Variants in UBAC2 observed in about 807,000 individuals in gnomAD.
The protein encoded by UBAC2 is UBA domain containing 2, also known as ubiquitin-associated domain-containing protein 2.
UBAC2 carries 26 observed loss-of-function variants against 44.0 expected under a neutral mutation model. The observed-to-expected ratio is 0.59, with a 90% CI of 0.43 to 0.82. The LOEUF is 0.82. UBAC2 is among the 40% of genes least tolerant of loss of function. The pLI is 0.00. For synonymous variants in UBAC2, 155 were observed against 154.3 expected (o/e 1.00, Z -0.04); for missense variants, 329 against 419.4 (o/e 0.78, Z 1.88).
chr13:99,352,764 A>G (rs1275488691), intron 7 of UBAC2, among the ~76,000 whole-genome samples: 1 of 152,048 alleles, frequency 6.6e-6, no homozygotes, highest in Non-Finnish European at 1.5e-5. Flanking sequence ...TAGAGTAGAA[A>G]GCGTCAGTTA....
intron 6 of UBAC2, among the ~76,000 whole-genome samples, chr13:99,334,697 C>T (rs970212185): frequency 6.6e-6 from 1 of 151,616 alleles, no homozygotes; most frequent in Non-Finnish European, 1.5e-5. Flanking sequence ...TTTGATAGCA[C>T]AAAAGAACGT....
At chr13:99,258,718 A>C (rs1218873412) in intron 4 of UBAC2, 1 of 152,160 alleles carries the variant, frequency 6.6e-6, no homozygotes, top group African/African-American at 2.4e-5. Flanking sequence ...TCATTTCTGT[A>C]CAGTTGAAAT....
intron 1 of UBAC2, among the ~76,000 whole-genome samples, chr13:99,202,784 C>T (rs2042821005): frequency 1.3e-5 from 2 of 152,140 alleles, no homozygotes; most frequent in Non-Finnish European, 2.9e-5. Context: ...GGCCGTTCCT[C>T]AGAAGGCTGT....
At chr13:99,278,392 A>G (rs1429804563) in intron 4 of UBAC2, among the ~76,000 whole-genome samples, 3 of 152,176 alleles carry the variant, frequency 2.0e-5, no homozygotes, top group Non-Finnish European at 4.4e-5. Context: ...AGAGAGTAGC[A>G]GCACACCTAC....
At chr13:99,237,449 C>CA (rs919968863) in intron 1 of UBAC2, among the ~76,000 whole-genome samples, 1 of 151,966 alleles carries the variant, frequency 6.6e-6, no homozygotes, top group African/African-American at 2.4e-5. Context: ...CTCATGAAGA[C>CA]AGAGAGTAGG....
At chr13:99,333,473 A>G (rs536523510) in intron 6 of UBAC2, among the ~76,000 whole-genome samples, 27 of 152,358 alleles carry the variant, frequency 1.8e-4, no homozygotes, top group Middle Eastern at 6.8e-3. Flanking sequence ...ATTTTTGTGG[A>G]GCATTTGTTA....
At chr13:99,325,718 A>C (rs1161078621) in intron 6 of UBAC2, among the ~76,000 whole-genome samples, 1 of 152,200 alleles carries the variant, frequency 6.6e-6, no homozygotes, top group Non-Finnish European at 1.5e-5. Context: ...GCCCCTAGCA[A>C]CCACCATTTT....
chr13:99,220,183 C>T (rs566526506), intron 1 of UBAC2, among the ~76,000 whole-genome samples: 7 of 152,240 alleles, frequency 4.6e-5, no homozygotes, highest in African/African-American at 1.7e-4. Flanking sequence ...ATCATAGTTC[C>T]TTCTTATATA....
At chr13:99,203,492 C>T (rs1347976979) in intron 1 of UBAC2, among the ~76,000 whole-genome samples, 1 of 152,238 alleles carries the variant, frequency 6.6e-6, no homozygotes, top group Non-Finnish European at 1.5e-5. Flanking sequence ...CTACCACCTG[C>T]ATGTTTCCCA....
chr13:99,205,440 A>C (rs1183104153), intron 1 of UBAC2, among the ~76,000 whole-genome samples: 1 of 152,192 alleles, frequency 6.6e-6, no homozygotes, highest in Non-Finnish European at 1.5e-5. Context: ...CCCAGCTGCA[A>C]AAAAATCAAT....
intron 4 of UBAC2, among the ~76,000 whole-genome samples, chr13:99,281,391 C>G (rs1461048044): frequency 2.0e-5 from 3 of 151,938 alleles, no homozygotes; most frequent in African/African-American, 7.3e-5. Flanking sequence ...CTTTCTCAAC[C>G]AAAAAGTTCT....
intron 8 of UBAC2, among the ~76,000 whole-genome samples, chr13:99,373,790 A>G (rs1481933011): frequency 6.6e-6 from 1 of 152,182 alleles, no homozygotes; most frequent in Non-Finnish European, 1.5e-5. Flanking sequence ...AGGCTCGCCA[A>G]GGGTCTGATG....
chr13:99,353,903 T>C (rs1413455318), intron 7 of UBAC2, among the ~76,000 whole-genome samples: 1 of 151,982 alleles, frequency 6.6e-6, no homozygotes, highest in Non-Finnish European at 1.5e-5. Flanking sequence ...TTGACAGACG[T>C]GGTTTTGTGG....
chr13:99,344,623 A>T (rs895219339), intron 7 of UBAC2, among the ~76,000 whole-genome samples: 2 of 152,168 alleles, frequency 1.3e-5, no homozygotes, highest in Admixed American at 6.5e-5. Flanking sequence ...GTTACACATG[A>T]TCTGTCTGCA....
At chr13:99,234,619 AAAAT>A (rs2142717709) in intron 1 of UBAC2, among the ~76,000 whole-genome samples, 1 of 152,350 alleles carries the variant, frequency 6.6e-6, no homozygotes, top group Admixed American at 6.5e-5. Context: ...AGTAAGTGTG[AAAAT>A]GAAGGTTCAA....
At position 99,238,491 on chromosome 13, in the gene UBAC2, C is replaced by T; in HGVS notation, c.96C>T (p.Leu32=). The T allele has an allele frequency of 6.2e-7, 1 of 1,613,996 alleles. No homozygotes were observed. Among genetic ancestry groups the T allele is most frequent in the Non-Finnish European group, 8.5e-7 (1 of 1,179,918 alleles). ...VPSALSLLLA[L]LLPHCQKLFV... ...GTGCCCTCTCCCTCCTGCTCGCCCT[C>T]CTCCTGCCTCACTGCCAGAAGCTCT... The change falls in exon 2 of 9, where the codon CTC becomes CTT. Residue 32 remains leucine (L), a synonymous_variant. Transcript: ENST00000403766.
chr13:99,229,646 C>T (rs1005437625), intron 1 of UBAC2, among the ~76,000 whole-genome samples: 1 of 152,100 alleles, frequency 6.6e-6, no homozygotes, highest in Non-Finnish European at 1.5e-5. Flanking sequence ...GATGCAGGAC[C>T]GTAAAAATGA....
At chr13:99,348,093 T>C (rs2045019645) in intron 7 of UBAC2, among the ~76,000 whole-genome samples, 1 of 152,204 alleles carries the variant, frequency 6.6e-6, no homozygotes, top group African/African-American at 2.4e-5. Context: ...TGTGATCATC[T>C]TTACACTGCC....
chr13:99,281,825 C>T (rs1383020892), intron 4 of UBAC2, among the ~76,000 whole-genome samples: 1 of 152,034 alleles, frequency 6.6e-6, no homozygotes, highest in Non-Finnish European at 1.5e-5. Flanking sequence ...GGATTGCTGG[C>T]TAATTGTGAA....
Sources: allele counts gnomAD v4.1 joint callset (sites outside exome capture counted in the v4.1 genomes callset), GRCh38; gene constraint gnomAD v4.1.1; transcripts MANE v1.5; gene names NCBI Gene and HGNC (gene_info 2026-07-23, HGNC 2026-07-21).